TRMT44: variants seen among roughly 807,000 people sequenced by gnomAD.
TRMT44 encodes the protein tRNA methyltransferase 44 homolog.
In TRMT44, 78 loss-of-function variants were observed where a neutral mutation model predicts 77.3. That is an observed-to-expected ratio of 1.01 (90% CI 0.84 to 1.22). The LOEUF (loss-of-function observed/expected upper bound fraction) is 1.22, where lower values mean the gene tolerates loss of function less well. Among genes scored for constraint, TRMT44 ranks in the 50% most tolerant of loss-of-function variants. TRMT44 has a pLI of 0.00. For missense variants in TRMT44, 1,090 were observed against 964.4 expected (o/e 1.13, Z -1.73); for synonymous variants, 391 against 383.3 (o/e 1.02, Z -0.23).
At chr4:8,460,397 G>C (rs1253747199) in intron 6 of TRMT44, among the ~76,000 whole-genome samples, 1 of 152,146 alleles carries the variant, frequency 6.6e-6, no homozygotes, top group Non-Finnish European at 1.5e-5. Context: ...ACTCCATGCA[G>C]TCACCCAGCC....
chr4:8,464,684 C>A (rs62287388), intron 7 of TRMT44, among the ~76,000 whole-genome samples: 19,739 of 152,216 alleles, frequency 0.13, 1,958 homozygotes, highest in African/African-American at 0.28. Context: ...TCCCTTTAAC[C>A]GTTCCTATTA....
At chr4:8,441,642 C>T (rs1724710339) in intron 1 of TRMT44, among the ~76,000 whole-genome samples, 1 of 152,118 alleles carries the variant, frequency 6.6e-6, no homozygotes, top group Non-Finnish European at 1.5e-5. Flanking sequence ...GGGGTGGTGT[C>T]TGGAAGGCTT....
At position 8,468,036 on chromosome 4, in the gene TRMT44, T is replaced by C. The variant is rs747119769; in HGVS notation, c.1617T>C (p.Leu539=). The C allele has an allele frequency of 6.8e-6, 11 of 1,613,988 alleles. No homozygotes were observed. Among genetic ancestry groups the C allele is most frequent in the South Asian group, 1.1e-5 (1 of 91,084 alleles). Residue 539 remains leucine (L), a synonymous_variant, in exon 9 of 11, where the codon CTT becomes CTC. Transcript: ENST00000389737. ...CTGTAAGCCCACCTGGCTGGGAGCT[T>C]TCCCCTTCTCCACGCTGGGTTGCTG... is the stretch of plus-strand genomic sequence containing the variant. ...GCPVSPPGWE[L]SPSPRWVAAG...
chr4:8,508,636 G>A, the TRMT44 span, among the ~76,000 whole-genome samples: 3 of 152,254 alleles, frequency 2.0e-5, no homozygotes, highest in African/African-American at 7.2e-5. Context: ...TGTGGCCATG[G>A]GGTTGCGGCG....
At chr4:8,453,048 C>A in intron 5 of TRMT44, 59 bp downstream of exon 5, 2 of 1,023,776 alleles carry the variant, frequency 2.0e-6, no homozygotes, top group African/African-American at 1.7e-5. Context: ...TCAAGTCAGG[C>A]ACAGGGTTCA....
At chr4:8,495,764 A>T (rs1728133246), downstream of TRMT44, among the ~76,000 whole-genome samples, 1 of 152,180 alleles carries the variant, frequency 6.6e-6, no homozygotes, top group Admixed American at 6.5e-5. Flanking sequence ...CCTGAGGCCG[A>T]TTCCTGCTGA....
chr4:8,490,715 G>C (rs558643441), intron 2 of TRMT44, among the ~76,000 whole-genome samples: 1 of 152,160 alleles, frequency 6.6e-6, no homozygotes, highest in African/African-American at 2.4e-5. Flanking sequence ...TGCAAAGAGC[G>C]AAAGAACAAA....
downstream of TRMT44, among the ~76,000 whole-genome samples, chr4:8,496,357 A>G (rs1359251210): frequency 6.6e-6 from 1 of 152,184 alleles, no homozygotes; most frequent in Non-Finnish European, 1.5e-5. Flanking sequence ...GTAGCCTCTG[A>G]CTTTCTTGTT....
exon 3 of TRMT44, chr4:8,493,407 G>C (rs902474382): frequency 2.0e-5 from 3 of 152,134 alleles, no homozygotes; most frequent in African/African-American, 7.2e-5. Context: ...CGACCAATCA[G>C]CACTCCCGAC....
intron 2 of TRMT44, among the ~76,000 whole-genome samples, chr4:8,488,597 G>A (rs1364360005): frequency 6.6e-6 from 1 of 152,208 alleles, no homozygotes; most frequent in African/African-American, 2.4e-5. Flanking sequence ...AGTTAAGGTG[G>A]GGCAGGGCAT....
At chr4:8,510,038 A>T in the TRMT44 span, among the ~76,000 whole-genome samples, 1 of 152,134 alleles carries the variant, frequency 6.6e-6, no homozygotes. Context: ...CTGCAGAGCG[A>T]GATCCGGGCT....
chr4:8,472,995 A>G (rs547431326), intron 10 of TRMT44, among the ~76,000 whole-genome samples: 155 of 152,288 alleles, frequency 1.0e-3, no homozygotes, highest in African/African-American at 3.5e-3. Flanking sequence ...TGGGGGGGCA[A>G]ACTTGTTTTT....
At chr4:8,490,491 A>C (rs952524996) in intron 2 of TRMT44, among the ~76,000 whole-genome samples, 1 of 140,488 alleles carries the variant, frequency 7.1e-6, no homozygotes, top group African/African-American at 2.8e-5. Context: ...CATTCCTCCC[A>C]GTGGGCTGGT....
chr4:8,493,455 C>T (rs1005673684), exon 3 of TRMT44: 1 of 152,188 alleles, frequency 6.6e-6, no homozygotes, highest in Non-Finnish European at 1.5e-5. Context: ...CCTTAAAAAC[C>T]TCAATCCCTG....
At chr4:8,473,866 T>C (rs1027230413) in intron 10 of TRMT44, among the ~76,000 whole-genome samples, 2 of 152,130 alleles carry the variant, frequency 1.3e-5, no homozygotes, top group African/African-American at 4.8e-5. Flanking sequence ...ACCTGCCATG[T>C]CCAGGGTTGT....
At chr4:8,467,145 C>T (rs892258038) in intron 8 of TRMT44, among the ~76,000 whole-genome samples, 3 of 152,184 alleles carry the variant, frequency 2.0e-5, no homozygotes, top group Non-Finnish European at 2.9e-5. Flanking sequence ...GGCTCCAGGC[C>T]CTCTGCGCAG....
chr4:8,501,136 T>C, the TRMT44 span, among the ~76,000 whole-genome samples: 10 of 152,142 alleles, frequency 6.6e-5, no homozygotes, highest in African/African-American at 1.4e-4. The surrounding 1 kb of genome is among the most constrained non-coding windows in gnomAD (Gnocchi z 4.4). Context: ...GTGGATCCAA[T>C]TGAGTGCCTA....
chr4:8,471,132 T>A lies in TRMT44; in HGVS notation c.1976T>A (p.Leu659Gln). The A allele has an allele frequency of 6.2e-7, 1 of 1,608,594 alleles. No individual in the cohort carries two copies. The highest frequency in any genetic ancestry group is 1.1e-5 in the South Asian group (1 of 90,476). ...EVANELDTET[L>Q]RRLKRECGGL... ...GCCAACGAGCTGGACACGGAGACCCTGCGGAGGCTGAAGCGGGAGTGTGGG... is the reference window on the plus strand; with the variant it reads ...GCCAACGAGCTGGACACGGAGACCCAGCGGAGGCTGAAGCGGGAGTGTGGG... Residue 659 changes from leucine to glutamine, a missense_variant, in exon 10 of 11, where the codon CTG becomes CAG. Transcript: ENST00000389737.
Position 8,451,857 on chromosome 4 carries a change from C to A in TRMT44, c.955-103C>A. 2 of 1,004,670 alleles carry A rather than the reference C, an allele frequency of 2.0e-6. No homozygotes were observed. The highest frequency in any genetic ancestry group is 3.0e-6 in the Non-Finnish European group (2 of 667,816). The allele number at this position is 1,004,670 out of a possible 1,614,324, so 62.2% of individuals were successfully genotyped here. ...AGCTTATGTTTCCTATTTTAGTGTACGATTAGTCCAGTTTGATTTATGCTT... is the reference window on the plus strand; with the variant it reads ...AGCTTATGTTTCCTATTTTAGTGTAAGATTAGTCCAGTTTGATTTATGCTT... On this transcript the variant is annotated intron_variant, in intron 3 of 10. Coordinates refer to ENST00000389737, the MANE Select transcript of TRMT44 (RefSeq NM_152544.3). The surrounding 1 kb of genome is among the most constrained non-coding windows in gnomAD (Gnocchi z 4.1).
Sources: gnomAD v4.1 joint callset for allele counts (sites outside exome capture counted in the v4.1 genomes callset) on GRCh38, gnomAD v4.1.1 for gene constraint, Gnocchi (gnomAD v3.1) non-coding constraint, MANE v1.5 for transcripts, NCBI Gene and HGNC (gene_info 2026-07-23, HGNC 2026-07-21) for gene names.